PPP2R2D: variants seen among roughly 807,000 people sequenced by gnomAD.
The protein encoded by PPP2R2D is serine/threonine-protein phosphatase 2A 55 kDa regulatory subunit B delta isoform.
In PPP2R2D, 9 loss-of-function variants were observed where a neutral mutation model predicts 31.1. The observed-to-expected ratio is 0.29, with a 90% confidence interval of 0.17 to 0.51. PPP2R2D has a LOEUF of 0.51. Ranked by LOEUF, PPP2R2D falls within the 20% of genes least tolerant of loss-of-function variation. The pLI is 0.98. For missense variants in PPP2R2D, 391 were observed against 465.6 expected, an observed-to-expected ratio of 0.84 and a Z score of 1.48; for synonymous variants, 179 against 172.6, an observed-to-expected ratio of 1.04 and a Z score of -0.29.
chr10:131,964,981 C>T, the PPP2R2D span, among the ~76,000 whole-genome samples: 1 of 152,162 alleles, frequency 6.6e-6, no homozygotes, highest in Non-Finnish European at 1.5e-5. Context: ...GCCTTATTCA[C>T]CCTAATTTTT....
chr10:131,912,953 T>C (rs985608486), intron 2 of PPP2R2D, among the ~76,000 whole-genome samples: 69 of 152,358 alleles, frequency 4.5e-4, no homozygotes, highest in African/African-American at 1.6e-3. Flanking sequence ...TTGAATTGCT[T>C]TGATTACATC....
chr10:131,917,194 CAGGT>C (rs1564811312), intron 2 of PPP2R2D, among the ~76,000 whole-genome samples: 2 of 143,480 alleles, frequency 1.4e-5, no homozygotes, highest in Non-Finnish European at 3.0e-5. Flanking sequence ...GTAGGGACCT[CAGGT>C]GGGTGGAATG....
At chr10:131,924,717 G>A (rs1554894682) in intron 2 of PPP2R2D, among the ~76,000 whole-genome samples, 1 of 149,818 alleles carries the variant, frequency 6.7e-6, no homozygotes, top group Non-Finnish European at 1.5e-5. Context: ...AAGGCAGCTG[G>A]GATTTTCATA....
chr10:131,958,301 T>C lies in PPP2R2D; in HGVS notation c.*2338T>C, dbSNP rs1446222463. ...CCCCGTCCCCCTGTGGAGATGAAGG[T>C]GTGTGCTGATCCCCCATCCCCCTGT... is the stretch of plus-strand genomic sequence containing the variant. On this transcript the variant is annotated 3_prime_UTR_variant, in exon 9 of 9. Coordinates refer to ENST00000455566, the MANE Select transcript of PPP2R2D (RefSeq NM_018461.5). The C allele has an allele frequency of 5.2e-3, 639 of 123,464 alleles. 2 individuals carry two copies. The highest frequency in any genetic ancestry group is 0.013 in the Middle Eastern group (3 of 224). 7.6% of individuals were successfully genotyped at this position (123,464 alleles called of 1,614,324 possible). A position where few individuals can be genotyped will look rare whatever the true frequency, so the allele number is the denominator to read the frequency against.
rs549909505 is a variant in PPP2R2D at position 131,955,883 on chromosome 10, A to T, written c.1282A>T (p.Thr428Ser). The T allele has an allele frequency of 7.8e-5, 125 of 1,606,240 alleles. No homozygotes were observed. The highest frequency in any genetic ancestry group is 1.0e-4 in the Non-Finnish European group (123 of 1,175,912). Residue 428 changes from threonine (T) to serine (S), a missense_variant, in exon 9 of 9, where the codon ACA becomes TCA. By Grantham distance (58) the Thr-to-Ser change is moderately conservative. Coordinates refer to ENST00000455566, the MANE Select transcript of PPP2R2D (RefSeq NM_018461.5). ...GGACTTCAACAAGAAGATCCTGCAC[A>T]CAGCCTGGCACCCCGTGGACAATGT... The part of the protein sequence containing the change: ...SLDFNKKILH[T>S]AWHPVDNVIA...
the PPP2R2D span, chr10:131,970,620 C>T: frequency 6.2e-7 from 1 of 1,612,414 alleles, no homozygotes; most frequent in African/African-American, 1.3e-5. The surrounding 1 kb of genome is among the most constrained non-coding windows in gnomAD (Gnocchi z 4.1). Flanking sequence ...ACAGGAGTCA[C>T]ACAGTCACAT....
chr10:131,965,543 G>A, the PPP2R2D span, among the ~76,000 whole-genome samples: 5 of 152,128 alleles, frequency 3.3e-5, no homozygotes, highest in Non-Finnish European at 4.4e-5. Context: ...TCCACCTCCC[G>A]GGTTCAAGCA....
rs538155777 is a variant in PPP2R2D, at chr10:131,946,950, TTGG to T, written c.821-575_821-573del. On this transcript the variant is annotated intron_variant, in intron 7 of 8. Coordinates refer to ENST00000455566, the MANE Select transcript of PPP2R2D (RefSeq NM_018461.5). ...GCTGGCTTTGACCGGCGGGACCGTCTTGGTGGTTAAAATCAGGACCACAGCGTT... is the reference window on the plus strand; with the variant it reads ...GCTGGCTTTGACCGGCGGGACCGTCTTGGTTAAAATCAGGACCACAGCGTT... Among the ~76,000 whole-genome samples, 3 of 152,072 alleles carry T rather than the reference TTGG, an allele frequency of 2.0e-5. No individual in the cohort carries two copies. The South Asian group carries it at 6.2e-4, about 32-fold the overall frequency.
At position 131,913,473 on chromosome 10, in the gene PPP2R2D, A is replaced by AT. The variant is rs1185748634; in HGVS notation, c.100+12149dup. 1.1e-4 allele frequency among the ~76,000 whole-genome samples: 17 copies of AT among 152,030 alleles called. 1 individual carries two copies. The highest frequency in any genetic ancestry group is 3.9e-4 in the Admixed American group (6 of 15,280). On this transcript the variant is annotated intron_variant, in intron 2 of 8. Coordinates refer to ENST00000455566, the MANE Select transcript of PPP2R2D (RefSeq NM_018461.5). The stretch of plus-strand genomic sequence containing the variant: ...TTATTATACATGTGTCTTTGACTAG[A>AT]TTTTTTGTATTGCTGTTGCTACTCT...
intron 5 of PPP2R2D, 81 bp downstream of exon 5, chr10:131,940,775 G>A (rs782407098): frequency 8.0e-5 from 55 of 689,322 alleles, no homozygotes; most frequent in Admixed American, 3.2e-4. Context: ...AGAGTGCTGC[G>A]CGGTGGAGTA....
Position 131,957,687 on chromosome 10 carries a change from C to A in PPP2R2D, c.*1724C>A, listed in dbSNP as rs2036830175. ...TGTGGAGATGAAGGGGTGTGCTGAT[C>A]CCCCGTCCCCCTGTGGAGATGAAGG... On this transcript the variant is annotated 3_prime_UTR_variant, in exon 9 of 9. Transcript: ENST00000455566. 6.2e-6 allele frequency: 1 copy of A among 160,046 alleles called. No individual in the cohort carries two copies. The highest frequency in any genetic ancestry group is 2.7e-5 in the African/African-American group (1 of 37,678). The allele number at this position is 160,046 out of a possible 1,614,324, so 9.9% of individuals were successfully genotyped here. A position where few individuals can be genotyped will look rare whatever the true frequency, so the allele number is the denominator to read the frequency against.
At chr10:131,926,395 C>T (rs2036106044) in intron 2 of PPP2R2D, among the ~76,000 whole-genome samples, 2 of 152,178 alleles carry the variant, frequency 1.3e-5, no homozygotes, top group East Asian at 1.9e-4. Flanking sequence ...TTCTTACTTC[C>T]AGCTGAGCGC....
intron 8 of PPP2R2D, among the ~76,000 whole-genome samples, chr10:131,949,342 C>T (rs1273936106): frequency 2.0e-5 from 3 of 151,998 alleles, no homozygotes; most frequent in African/African-American, 7.3e-5. Context: ...TCCTCAAGGC[C>T]GCTTGCTGGA....
At chr10:131,953,824 CTG>C (rs2036741084) in intron 8 of PPP2R2D, among the ~76,000 whole-genome samples, 1 of 152,114 alleles carries the variant, frequency 6.6e-6, no homozygotes, top group South Asian at 2.1e-4. Context: ...TGGATAGTCA[CTG>C]TATTTTTTAT....
downstream of PPP2R2D, among the ~76,000 whole-genome samples, chr10:131,960,502 C>T (rs939350215): frequency 6.6e-6 from 1 of 152,198 alleles, no homozygotes; most frequent in Non-Finnish European, 1.5e-5. Flanking sequence ...GGAGGCCACA[C>T]GACTGGCAGG....
chr10:131,965,099 G>A, the PPP2R2D span, among the ~76,000 whole-genome samples: 9 of 152,062 alleles, frequency 5.9e-5, no homozygotes, highest in Non-Finnish European at 1.3e-4. Context: ...CAGTTTGGAC[G>A]GGGCTCAGCA....
At position 131,945,720 on chromosome 10, in the gene PPP2R2D, G is replaced by A. The variant is rs150214076; in HGVS notation, c.820+261G>A. 2.5e-3 allele frequency: 1,044 copies of A among 421,276 alleles called. 17 individuals carry two copies. Among genetic ancestry groups the A allele is most frequent in the African/African-American group, 0.019 (952 of 50,108 alleles). 26.1% of individuals were successfully genotyped at this position (421,276 alleles called of 1,614,324 possible). On this transcript the variant is annotated intron_variant, in intron 7 of 8. Transcript: ENST00000455566. This position sits in a 1 kb window ranked among gnomAD's most constrained non-coding sequence, Gnocchi z 4.8. ...CCTACCTCGGCCTCCCAAAGTGCTG[G>A]GATTACAGGTGTGAGTCACCGCACC...
rs2036559684 is a variant in PPP2R2D, at chr10:131,947,249, C to T, written c.821-281C>T. On this transcript the variant is annotated intron_variant, in intron 7 of 8. Transcript: ENST00000455566. The surrounding 1 kb of genome is among the most constrained non-coding windows in gnomAD (Gnocchi z 4.3). ...CAGATGGCAGTGCCCAGGACCTTGCCTAGAGATTCTCATTCAGGGTCCGGG... is the reference window on the plus strand; with the variant it reads ...CAGATGGCAGTGCCCAGGACCTTGCTTAGAGATTCTCATTCAGGGTCCGGG... Among the ~76,000 whole-genome samples, 1 of 152,176 alleles carries T rather than the reference C, an allele frequency of 6.6e-6. No individual in the cohort carries two copies. The highest frequency in any genetic ancestry group is 1.5e-5 in the Non-Finnish European group (1 of 68,038).
At chr10:131,941,638 CTGAG>C (rs2036444191) in intron 5 of PPP2R2D, among the ~76,000 whole-genome samples, 1 of 152,298 alleles carries the variant, frequency 6.6e-6, no homozygotes, top group Non-Finnish European at 1.5e-5. Context: ...CAAGTGAAGA[CTGAG>C]TGAGTGAGCC....
Sources: gnomAD v4.1 joint callset for allele counts (sites outside exome capture counted in the v4.1 genomes callset) on GRCh38, gnomAD v4.1.1 for gene constraint, Gnocchi (gnomAD v3.1) non-coding constraint, MANE v1.5 for transcripts, NCBI Gene and HGNC (gene_info 2026-07-23, HGNC 2026-07-21) for gene names.